CHST8: variants seen among roughly 807,000 people sequenced by gnomAD.
CHST8 encodes the protein carbohydrate sulfotransferase 8.
CHST8 carries 10 observed loss-of-function variants against 15.0 expected under a neutral mutation model. The ratio of observed to expected loss-of-function variants is 0.67; its 90% confidence interval spans 0.41 to 1.13. The LOEUF is 1.13. Ranked by LOEUF, CHST8 falls within the 50% of genes most tolerant of loss-of-function variation. The probability of loss-of-function intolerance (pLI) is 0.00; values close to 1 mark genes in which losing one functional copy is unlikely to be tolerated. For missense variants in CHST8, 634 were observed against 608.2 expected (o/e 1.04, Z -0.45); for synonymous variants, 259 against 256.6 (o/e 1.01, Z -0.09).
intron 1 of CHST8, among the ~76,000 whole-genome samples, chr19:33,638,563 C>T (rs1972237645): frequency 6.6e-6 from 1 of 152,188 alleles, no homozygotes; most frequent in African/African-American, 2.4e-5. Context: ...AGCACACACA[C>T]GCTCTCCATA....
intron 3 of CHST8, among the ~76,000 whole-genome samples, chr19:33,705,538 A>G (rs1403867408): frequency 1.2e-4 from 18 of 152,224 alleles, no homozygotes; most frequent in Admixed American, 1.2e-3. Flanking sequence ...TTGCTGTAGC[A>G]AAGGAAGAAT....
intron 1 of CHST8, among the ~76,000 whole-genome samples, chr19:33,634,986 A>G (rs1440999896): frequency 6.6e-6 from 1 of 151,708 alleles, no homozygotes; most frequent in African/African-American, 2.4e-5. Flanking sequence ...AGCCTTGCTC[A>G]CCCCCAGTCC....
intron 3 of CHST8, among the ~76,000 whole-genome samples, chr19:33,705,226 A>ACG (rs1568335947): frequency 6.6e-6 from 1 of 152,166 alleles, no homozygotes; most frequent in African/African-American, 2.4e-5. Context: ...TAGGACCCCC[A>ACG]TGAAGCCAGA....
intron 3 of CHST8, among the ~76,000 whole-genome samples, chr19:33,749,141 T>TC (rs1974367521): frequency 6.6e-6 from 1 of 151,810 alleles, no homozygotes; most frequent in African/African-American, 2.4e-5. Context: ...TGTCCGGGGC[T>TC]CCCCCACCTC....
intron 3 of CHST8, among the ~76,000 whole-genome samples, chr19:33,694,860 C>G (rs1388072577): frequency 6.6e-6 from 1 of 152,090 alleles, no homozygotes; most frequent in African/African-American, 2.4e-5. Flanking sequence ...GGATTACAGG[C>G]GTAAGCCACC....
At chr19:33,711,613 G>A (rs1281540406) in intron 3 of CHST8, among the ~76,000 whole-genome samples, 1 of 152,130 alleles carries the variant, frequency 6.6e-6, no homozygotes, top group Non-Finnish European at 1.5e-5. Flanking sequence ...ATAAATTGTA[G>A]GAACATTGTT....
At chr19:33,660,632 G>A (rs1280020589) in intron 1 of CHST8, among the ~76,000 whole-genome samples, 2 of 152,166 alleles carry the variant, frequency 1.3e-5, no homozygotes, top group East Asian at 1.9e-4. Flanking sequence ...TGACCCGGAA[G>A]TTGCCGCCCC....
chr19:33,747,540 A>C (rs547539935), intron 3 of CHST8, among the ~76,000 whole-genome samples: 1 of 152,170 alleles, frequency 6.6e-6, no homozygotes, highest in Admixed American at 6.5e-5. Context: ...TAGGGGATAT[A>C]GACATATGCC....
rs536433430 is a variant in CHST8, at chr19:33,678,559, T to C, written c.-86-10617T>C. Among the ~76,000 whole-genome samples the C allele has an allele frequency of 1.3e-3, 192 of 152,024 alleles. 1 individual carries two copies. The highest frequency in any genetic ancestry group is 2.7e-3 in the South Asian group (13 of 4,792). ...GAGTTTCAGACCAGCCTGGGCAACA[T>C]AGTGAGACCCCACTTCTACAAAAAA... is the stretch of plus-strand genomic sequence containing the variant. On this transcript the variant is annotated intron_variant, in intron 2 of 4. Coordinates refer to ENST00000650847, the MANE Select transcript of CHST8 (RefSeq NM_001127895.2).
chr19:33,630,196 C>T (rs1428297599), intron 1 of CHST8, among the ~76,000 whole-genome samples: 1 of 152,232 alleles, frequency 6.6e-6, no homozygotes, highest in Admixed American at 6.5e-5. Context: ...CCCTGACCTG[C>T]CATATGCAGA....
intron 1 of CHST8, among the ~76,000 whole-genome samples, chr19:33,647,236 G>T (rs985810073): frequency 1.3e-5 from 2 of 152,230 alleles, no homozygotes; most frequent in Admixed American, 6.5e-5. Context: ...ACTCCAGGGA[G>T]ATGAGGAAGA....
chr19:33,691,371 G>A (rs1973097007), intron 3 of CHST8, among the ~76,000 whole-genome samples: 1 of 152,232 alleles, frequency 6.6e-6, no homozygotes, highest in African/African-American at 2.4e-5. Flanking sequence ...CCACGTGCCA[G>A]GTGATGGGCA....
chr19:33,687,748 C>CAGG (rs1192965439), intron 2 of CHST8, among the ~76,000 whole-genome samples: 1 of 152,190 alleles, frequency 6.6e-6, no homozygotes, highest in Non-Finnish European at 1.5e-5. Flanking sequence ...GAGTCGTGGG[C>CAGG]AGGGGAGCAG....
intron 3 of CHST8, among the ~76,000 whole-genome samples, chr19:33,719,398 ACTT>A (rs1319612166): frequency 6.6e-6 from 1 of 152,058 alleles, no homozygotes; most frequent in Non-Finnish European, 1.5e-5. Flanking sequence ...GTCCTTGGAC[ACTT>A]CTGTTTTAGG....
chr19:33,764,442 G>T (rs1974792208), intron 3 of CHST8, among the ~76,000 whole-genome samples: 1 of 152,220 alleles, frequency 6.6e-6, no homozygotes. Context: ...CAAGACTGCA[G>T]TGAGCCAGGA....
intron 3 of CHST8, among the ~76,000 whole-genome samples, chr19:33,708,255 T>G (rs1973483348): frequency 6.6e-6 from 1 of 152,228 alleles, no homozygotes; most frequent in Non-Finnish European, 1.5e-5. Context: ...CAATTCAACA[T>G]GTTTTTCGTT....
At chr19:33,768,081 T>C (rs1599643557) in intron 3 of CHST8, among the ~76,000 whole-genome samples, 1 of 152,196 alleles carries the variant, frequency 6.6e-6, no homozygotes, top group South Asian at 2.1e-4. Context: ...TGCAGCCCAC[T>C]TGGGGATGTG....
chr19:33,631,001 C>A (rs1972114778), intron 1 of CHST8, among the ~76,000 whole-genome samples: 1 of 152,190 alleles, frequency 6.6e-6, no homozygotes, highest in East Asian at 1.9e-4. Context: ...TCTCCCAGAG[C>A]TGGGGTGGTC....
At chr19:33,677,595 G>T (rs1331587386) in intron 2 of CHST8, among the ~76,000 whole-genome samples, 1 of 152,146 alleles carries the variant, frequency 6.6e-6, no homozygotes, top group African/African-American at 2.4e-5. Context: ...ACCACTGCAG[G>T]AATCTTCTCA....
Sources: gnomAD v4.1 joint callset for allele counts (sites outside exome capture counted in the v4.1 genomes callset) on GRCh38, gnomAD v4.1.1 for gene constraint, MANE v1.5 for transcripts, NCBI Gene and HGNC (gene_info 2026-07-23, HGNC 2026-07-21) for gene names.